RIMS1: variants seen among roughly 807,000 people sequenced by gnomAD.
RIMS1 encodes regulating synaptic membrane exocytosis protein 1.
Under a neutral mutation model 214.1 loss-of-function variants are expected in RIMS1, and 83 were observed. The ratio of observed to expected loss-of-function variants is 0.39; its 90% CI spans 0.32 to 0.47. RIMS1 has a LOEUF of 0.47. Ranked by LOEUF, RIMS1 falls within the 20% of genes least tolerant of loss-of-function variation. The pLI is 0.99. For synonymous variants in RIMS1, 793 were observed against 786.8 expected (o/e 1.01, Z -0.13); for missense variants, 2,050 against 2,161.8 (o/e 0.95, Z 1.03).
chr6:72,082,746 C>A (rs751268337), intron 2 of RIMS1, among the ~76,000 whole-genome samples: 7 of 152,130 alleles, frequency 4.6e-5, no homozygotes, highest in African/African-American at 9.6e-5. Context: ...TCTGAACAGA[C>A]AAGACAGGAA....
intron 1 of RIMS1, among the ~76,000 whole-genome samples, chr6:71,904,045 G>T (rs1472994547): frequency 6.6e-6 from 1 of 151,814 alleles, no homozygotes. Context: ...CTTTCACCTG[G>T]GATGACCTTG....
intron 28 of RIMS1, chr6:72,317,463 C>T (rs2095866323): frequency 5.8e-6 from 1 of 172,034 alleles, no homozygotes; most frequent in African/African-American, 2.4e-5. Context: ...TAAGCATATA[C>T]TGAAAGGAAT....
chr6:72,186,896 C>T lies in RIMS1; in HGVS notation c.1678+3747C>T, dbSNP rs138551900. ...CTGTAATTCCAGCACTTTGGGAGGC[C>T]GAGGTGGGGGGATTTTCCGAGCTCA... On this transcript the variant is annotated intron_variant, in intron 6 of 33. Coordinates refer to ENST00000521978, the MANE Select transcript of RIMS1 (RefSeq NM_014989.7). Among the ~76,000 whole-genome samples, 68 of 151,920 alleles carry T rather than the reference C, an allele frequency of 4.5e-4. No homozygotes were observed. The East Asian group carries it at 0.013, about 28-fold the overall frequency.
At chr6:72,255,771 C>T (rs1443989250) in intron 16 of RIMS1, among the ~76,000 whole-genome samples, 2 of 152,122 alleles carry the variant, frequency 1.3e-5, no homozygotes, top group Non-Finnish European at 2.9e-5. Context: ...GGCACGGTGG[C>T]TCACGCCTGT....
rs184935443 is a variant in RIMS1, at chr6:72,216,759, T to C, written c.1679-17014T>C. On this transcript the variant is annotated intron_variant, in intron 6 of 33. Coordinates refer to ENST00000521978, the MANE Select transcript of RIMS1 (RefSeq NM_014989.7). ...GAACATTTGCCTGAGTCTTTTCTTC[T>C]GTGTTAGCTTTAAGGACCACAACGT... 43 of 986,582 alleles carry C rather than the reference T, an allele frequency of 4.4e-5. 2 individuals are homozygous for C. In the East Asian group the frequency reaches 4.4e-3, roughly 101 times the overall value. 61.1% of individuals were successfully genotyped at this position (986,582 alleles called of 1,614,324 possible).
At chr6:72,260,907 T>A (rs1195389009) in intron 19 of RIMS1, 140 bp downstream of exon 19, 16 of 1,506,544 alleles carry the variant, frequency 1.1e-5, no homozygotes, top group Non-Finnish European at 1.8e-6. Context: ...TTTTGTTTTA[T>A]ATTGAGGTTA....
intron 4 of RIMS1, among the ~76,000 whole-genome samples, chr6:72,117,321 G>A (rs2037285668): frequency 6.6e-6 from 1 of 151,982 alleles, no homozygotes; most frequent in Non-Finnish European, 1.5e-5. Flanking sequence ...GATCATTACT[G>A]CCAATCAGTC....
chr6:72,098,871 GCTTTCTAAAATAAA>G (rs1282787146), intron 3 of RIMS1, among the ~76,000 whole-genome samples: 2 of 152,030 alleles, frequency 1.3e-5, no homozygotes, highest in African/African-American at 4.8e-5. Flanking sequence ...CACCTTATAG[GCTTTCTAAAATAAA>G]CTTGGATATT....
chr6:72,226,310 T>G (rs2060157639), intron 6 of RIMS1, among the ~76,000 whole-genome samples: 1 of 152,124 alleles, frequency 6.6e-6, no homozygotes, highest in South Asian at 2.1e-4. Context: ...TCTCAAAATC[T>G]AAATTTATAT....
chr6:72,384,054 A>G (rs1442244009), intron 29 of RIMS1, among the ~76,000 whole-genome samples: 2 of 152,166 alleles, frequency 1.3e-5, no homozygotes, highest in Non-Finnish European at 2.9e-5. Flanking sequence ...ATCCAGTTCC[A>G]TCAGAGACTG....
rs2095308850 is a variant in RIMS1, at chr6:72,307,895, A to T, written c.3963+525A>T. Among the ~76,000 whole-genome samples, 5 of 152,322 alleles carry T rather than the reference A, an allele frequency of 3.3e-5. No homozygotes were observed. In the South Asian group the frequency reaches 8.3e-4, roughly 25 times the overall value. ...TTAACTTGGATTTGATTTTTTTCTA[A>T]AAATATGTAAATATTTGATATTAAA... On this transcript the variant is annotated intron_variant, in intron 27 of 33. Transcript: ENST00000521978.
chr6:72,263,142 C>A (rs1179318552), intron 19 of RIMS1: 41 of 984,360 alleles, frequency 4.2e-5, no homozygotes, highest in Admixed American at 6.2e-5. Context: ...GAGTCAAATA[C>A]ATTTTGGAAA....
intron 1 of RIMS1, among the ~76,000 whole-genome samples, chr6:71,910,468 G>A (rs1227276941): frequency 5.3e-5 from 8 of 152,004 alleles, no homozygotes; most frequent in East Asian, 1.9e-4. Flanking sequence ...ACAATGTCCC[G>A]TCCATGCGTA....
chr6:72,100,105 A>G (rs936701460), intron 4 of RIMS1, 119 bp downstream of exon 4: 3 of 783,574 alleles, frequency 3.8e-6, no homozygotes, highest in Non-Finnish European at 6.3e-6. Context: ...TATACTAGGA[A>G]GAGCTCATTT....
At chr6:72,316,965 G>T in intron 28 of RIMS1, 1 of 620,232 alleles carries the variant, frequency 1.6e-6, no homozygotes, top group Non-Finnish European at 3.0e-6. Context: ...TAGGCTCTGT[G>T]GAGAGGGTCG....
At chr6:72,366,770 G>A (rs1171554094) in intron 29 of RIMS1, 23 of 985,658 alleles carry the variant, frequency 2.3e-5, no homozygotes, top group African/African-American at 1.7e-5. Flanking sequence ...GCCAGCCACC[G>A]CACAAGTTAT....
chr6:72,108,611 T>C (rs2035285890), intron 4 of RIMS1, among the ~76,000 whole-genome samples: 3 of 152,116 alleles, frequency 2.0e-5, no homozygotes, highest in Admixed American at 6.6e-5. Flanking sequence ...CAAGTACATG[T>C]ATCTCATTTT....
intron 2 of RIMS1, among the ~76,000 whole-genome samples, chr6:72,088,945 A>G (rs1835421371): frequency 6.6e-6 from 1 of 151,122 alleles, no homozygotes; most frequent in Admixed American, 6.6e-5. Flanking sequence ...GAGGAGGGGA[A>G]GGAAAGGAGG....
chr6:71,946,573 A>G lies in RIMS1; in HGVS notation c.165-22410A>G, dbSNP rs138079991. ...ATAAATGGTGCTGGGAAACCTAGATATCCACTTGAAGAAGAAAGAAATTAA... is the reference window on the plus strand; with the variant it reads ...ATAAATGGTGCTGGGAAACCTAGATGTCCACTTGAAGAAGAAAGAAATTAA... On this transcript the variant is annotated intron_variant, in intron 1 of 33. Coordinates refer to ENST00000521978, the MANE Select transcript of RIMS1 (RefSeq NM_014989.7). Among the ~76,000 whole-genome samples the G allele has an allele frequency of 1.5e-3, 230 of 152,302 alleles. 2 individuals carry two copies. The highest frequency in any genetic ancestry group is 5.4e-3 in the African/African-American group (225 of 41,574).
Sources: gnomAD v4.1 joint callset for allele counts (sites outside exome capture counted in the v4.1 genomes callset) on GRCh38, gnomAD v4.1.1 for gene constraint, MANE v1.5 for transcripts, NCBI Gene and HGNC (gene_info 2026-07-23, HGNC 2026-07-21) for gene names.